The following PPP1R17 variants were observed in gnomAD, a reference collection of about 807,000 sequenced individuals.
PPP1R17 encodes the protein G-substrate.
PPP1R17 carries 12 observed loss-of-function variants against 15.9 expected under a neutral mutation model. The observed-to-expected ratio is 0.75, with a 90% CI of 0.48 to 1.22. The LOEUF (loss-of-function observed/expected upper bound fraction) is 1.22, where lower values mean the gene tolerates loss of function less well. PPP1R17 is among the 50% of genes most tolerant of loss of function. The pLI, the probability that PPP1R17 is intolerant of heterozygous loss-of-function variation, is 0.00. For synonymous variants in PPP1R17, 63 were observed against 64.5 expected, an observed-to-expected ratio of 0.98 and a Z score of 0.11; for missense variants, 211 against 187.3, an observed-to-expected ratio of 1.13 and a Z score of -0.74.
At chr7:31,691,166 A>T (rs995609919) in intron 1 of PPP1R17, among the ~76,000 whole-genome samples, 24 of 152,196 alleles carry the variant, frequency 1.6e-4, no homozygotes, top group African/African-American at 5.5e-4. Context: ...AGTGACTCTA[A>T]AAGCTGTGCT....
intron 2 of PPP1R17, among the ~76,000 whole-genome samples, chr7:31,694,198 T>C (rs920168254): frequency 2.0e-5 from 3 of 151,900 alleles, no homozygotes; most frequent in African/African-American, 7.3e-5. Flanking sequence ...ATTAAGAAAA[T>C]GAGAAAGAAC....
chr7:31,707,076 A>T, intron 4 of PPP1R17, 128 bp from the exon 5 acceptor site: 1 of 752,994 alleles, frequency 1.3e-6, no homozygotes, highest in African/African-American at 1.8e-5. Flanking sequence ...TGGTACTGTT[A>T]GCAGGTAACC....
rs543123748 is a variant in PPP1R17 at position 31,707,445 on chromosome 7, C to T, written c.*162C>T. The T allele has an allele frequency of 1.7e-6, 1 of 590,806 alleles. No homozygotes were observed. Among genetic ancestry groups the T allele is most frequent in the South Asian group, 2.3e-5 (1 of 44,036 alleles). The allele number at this position is 590,806 out of a possible 1,614,324, so 36.6% of individuals were successfully genotyped here. A position where few individuals can be genotyped will look rare whatever the true frequency, so the allele number is the denominator to read the frequency against. On this transcript the variant is annotated 3_prime_UTR_variant, in exon 5 of 5. Coordinates refer to ENST00000342032, the MANE Select transcript of PPP1R17 (RefSeq NM_006658.5). ...TGTATGCCATCAAATTGCCAGTCAC[C>T]TCTTTGTCTCTCTCTTCTTTCTGAG...
At chr7:31,691,519 A>G (rs769707655) in intron 1 of PPP1R17, among the ~76,000 whole-genome samples, 12 of 152,104 alleles carry the variant, frequency 7.9e-5, no homozygotes, top group Non-Finnish European at 1.5e-4. Flanking sequence ...AATCTCAGCT[A>G]ATGCATTTCT....
chr7:31,704,975 G>T (rs1336688712), intron 4 of PPP1R17, among the ~76,000 whole-genome samples: 1 of 152,048 alleles, frequency 6.6e-6, no homozygotes, highest in Non-Finnish European at 1.5e-5. Flanking sequence ...CTGACTTAAG[G>T]CTCATCCTAA....
chr7:31,701,926 A>T (rs1792865290), intron 4 of PPP1R17, among the ~76,000 whole-genome samples: 1 of 152,224 alleles, frequency 6.6e-6, no homozygotes, highest in Admixed American at 6.5e-5. Context: ...GGAAACCAAA[A>T]AATTTGTATG....
At chr7:31,688,837 A>C in intron 1 of PPP1R17, among the ~76,000 whole-genome samples, 1 of 152,218 alleles carries the variant, frequency 6.6e-6, no homozygotes, top group East Asian at 1.9e-4. Context: ...ATTCTGTCAA[A>C]CAACCACAAC....
At chr7:31,706,929 C>T (rs1793092545) in intron 4 of PPP1R17, among the ~76,000 whole-genome samples, 1 of 152,196 alleles carries the variant, frequency 6.6e-6, no homozygotes, top group African/African-American at 2.4e-5. Context: ...ATGCTGCAAG[C>T]TTAGGAGCAG....
chr7:31,702,648 C>A (rs547872279), intron 4 of PPP1R17, among the ~76,000 whole-genome samples: 6 of 152,300 alleles, frequency 3.9e-5, no homozygotes, highest in Admixed American at 6.5e-5. Context: ...CTTCTTGTTG[C>A]CTGTATTGTC....
intron 1 of PPP1R17, among the ~76,000 whole-genome samples, chr7:31,690,701 C>T (rs117448586): frequency 0.013 from 1,925 of 152,244 alleles, 33 homozygotes; most frequent in Non-Finnish European, 0.014. Context: ...AGTTAAAAAC[C>T]GCCTTACCTT....
chr7:31,703,415 AACAAC>A (rs1792935287), intron 4 of PPP1R17, among the ~76,000 whole-genome samples: 1 of 152,184 alleles, frequency 6.6e-6, no homozygotes, highest in Admixed American at 6.5e-5. Flanking sequence ...ATGTTTATCA[AACAAC>A]ACAGCGTAAA....
At chr7:31,697,532 A>G (rs1562699801) in intron 4 of PPP1R17, among the ~76,000 whole-genome samples, 1 of 152,224 alleles carries the variant, frequency 6.6e-6, no homozygotes, top group Non-Finnish European at 1.5e-5. Context: ...TGCAGAAATA[A>G]GGATAGCTAT....
At chr7:31,697,148 G>A in intron 4 of PPP1R17, 31 bp downstream of exon 4, 2 of 1,611,030 alleles carry the variant, frequency 1.2e-6, no homozygotes, top group South Asian at 1.1e-5. Context: ...CATTTGCAGG[G>A]GGTGATGGGG....
chr7:31,702,143 TATG>T (rs1319788231), intron 4 of PPP1R17, among the ~76,000 whole-genome samples: 1 of 152,174 alleles, frequency 6.6e-6, no homozygotes, highest in Non-Finnish European at 1.5e-5. Context: ...CAGGTTATGC[TATG>T]ATATGGGAAA....
At chr7:31,695,335 A>G (rs533093723) in intron 2 of PPP1R17, 134 bp from the exon 3 acceptor site, 12 of 725,702 alleles carry the variant, frequency 1.7e-5, no homozygotes, top group South Asian at 2.8e-5. Flanking sequence ...ATAGGCCACA[A>G]TAAATAAACA....
At chr7:31,696,400 A>G (rs567061088) in intron 3 of PPP1R17, among the ~76,000 whole-genome samples, 98 of 152,344 alleles carry the variant, frequency 6.4e-4, no homozygotes, top group Non-Finnish European at 1.2e-3. Context: ...GGGAGTTCTT[A>G]AAAAGGACTG....
In PPP1R17 at chr7:31,707,459, CTTCT is replaced by C. The variant is rs200318865; in HGVS notation, c.*181_*184del. The C allele has an allele frequency of 6.4e-4, 372 of 584,810 alleles. 2 individuals are homozygous for C. The highest frequency in any genetic ancestry group is 6.2e-3 in the African/African-American group (328 of 53,220). The allele number at this position is 584,810 out of a possible 1,614,324, so 36.2% of individuals were successfully genotyped here. On this transcript the variant is annotated 3_prime_UTR_variant, in exon 5 of 5. Transcript: ENST00000342032. ...TTGCCAGTCACCTCTTTGTCTCTCT[CTTCT>C]TTCTGAGTATGGTTTCTATTCTGTG...
At chr7:31,689,117 C>T (rs1418889049) in intron 1 of PPP1R17, among the ~76,000 whole-genome samples, 1 of 152,156 alleles carries the variant, frequency 6.6e-6, no homozygotes, top group African/African-American at 2.4e-5. Flanking sequence ...ATTTCCACAG[C>T]ACGTTTGACT....
intron 1 of PPP1R17, among the ~76,000 whole-genome samples, chr7:31,690,791 T>C (rs1792311350): frequency 6.6e-6 from 1 of 152,182 alleles, no homozygotes; most frequent in African/African-American, 2.4e-5. Flanking sequence ...CTTCAAATGA[T>C]TACTCTGATT....
Sources: allele counts gnomAD v4.1 joint callset (sites outside exome capture counted in the v4.1 genomes callset), GRCh38; gene constraint gnomAD v4.1.1; transcripts MANE v1.5; gene names NCBI Gene and HGNC (gene_info 2026-07-23, HGNC 2026-07-21).